APPL2: variants seen among roughly 807,000 people sequenced by gnomAD.
The protein encoded by APPL2 is adaptor protein, phosphotyrosine interacting with PH domain and leucine zipper 2, also known as DCC-interacting protein 13-beta.
A neutral mutation model predicts 92.7 loss-of-function variants in APPL2; 84 were observed. The ratio of observed to expected loss-of-function variants is 0.91; its 90% CI spans 0.76 to 1.09. APPL2 has a LOEUF of 1.09. APPL2 is among the 50% of genes least tolerant of loss of function. The pLI is 0.00. For missense variants in APPL2, 736 were observed against 824.5 expected (o/e 0.89, Z 1.31); for synonymous variants, 291 against 291.0 (o/e 1.00, Z 0.00).
chr12:105,221,041 C>G (rs1890059812), intron 2 of APPL2, among the ~76,000 whole-genome samples: 2 of 152,246 alleles, frequency 1.3e-5, no homozygotes, highest in South Asian at 2.1e-4. Context: ...CTGCCCTGAA[C>G]AGAGCACATT....
In APPL2 at chr12:105,217,194, C is replaced by T. The variant is rs1290983618; in HGVS notation, c.214-54G>A. The T allele has an allele frequency of 5.8e-6, 7 of 1,208,692 alleles. No individual in the cohort carries two copies. The Admixed American group carries it at 1.4e-4, about 24-fold the overall frequency. 74.9% of individuals were successfully genotyped at this position (1,208,692 alleles called of 1,614,324 possible). On this transcript the variant is annotated intron_variant, in intron 3 of 20. Coordinates refer to ENST00000258530, the MANE Select transcript of APPL2 (RefSeq NM_018171.5). ...GTTAAGTGAATACTGGGGAATTCAG[C>T]ACGAAGCATCACCTGCAGAACACGA...
chr12:105,232,775 A>G (rs1339721923), intron 1 of APPL2, among the ~76,000 whole-genome samples: 1 of 151,638 alleles, frequency 6.6e-6, no homozygotes, highest in Non-Finnish European at 1.5e-5. Flanking sequence ...AAAAAAAAAA[A>G]AAAAAAAAAA....
rs750034290 is a variant in APPL2 at position 105,229,207 on chromosome 12, C to G, written c.71G>C (p.Ser24Thr). 1 of 1,613,600 alleles carries G rather than the reference C, an allele frequency of 6.2e-7. No homozygotes were observed. ...GGTGCCAGCATCTTCTTCAAACACG[C>G]TCAGTAAAGAGCGAGTCTGGAAGAA... ...QDSPQTRSLL[S>T]VFEEDAGTLT... The change falls in exon 2 of 21, where the codon AGC becomes ACC. Residue 24 changes from serine (S) to threonine (T), a missense_variant. Coordinates refer to ENST00000258530, the MANE Select transcript of APPL2 (RefSeq NM_018171.5).
intron 2 of APPL2, among the ~76,000 whole-genome samples, chr12:105,227,464 G>A (rs773123372): frequency 6.6e-6 from 1 of 152,130 alleles, no homozygotes; most frequent in Non-Finnish European, 1.5e-5. Flanking sequence ...GCATCCCCAT[G>A]ACAGATATGC....
chr12:105,221,920 C>G, intron 2 of APPL2, among the ~76,000 whole-genome samples: 1 of 152,192 alleles, frequency 6.6e-6, no homozygotes, highest in East Asian at 1.9e-4. Context: ...CCTGAAACCC[C>G]CAAGGGCCTC....
intron 4 of APPL2, among the ~76,000 whole-genome samples, chr12:105,212,473 G>A (rs1206839657): frequency 6.6e-6 from 1 of 152,232 alleles, no homozygotes; most frequent in African/African-American, 2.4e-5. Flanking sequence ...TCCAAATCCA[G>A]AGGGCAAATA....
rs116177601 is a variant in APPL2, at chr12:105,193,020, G to A, written c.1241+2241C>T. On this transcript the variant is annotated intron_variant, in intron 14 of 20. Transcript: ENST00000258530. ...TTCTCAGTGGGCTGACCCTAAAAGAGATAGTATCCCTCTCCCCACAGCTCT... is the reference window on the plus strand; with the variant it reads ...TTCTCAGTGGGCTGACCCTAAAAGAAATAGTATCCCTCTCCCCACAGCTCT... Among the ~76,000 whole-genome samples, 1,094 of 152,218 alleles carry A rather than the reference G, an allele frequency of 7.2e-3. 18 individuals are homozygous for A. Among genetic ancestry groups the A allele is most frequent in the African/African-American group, 0.024 (1,013 of 41,538 alleles).
intron 11 of APPL2, among the ~76,000 whole-genome samples, chr12:105,196,723 G>A (rs896914403): frequency 2.6e-5 from 4 of 152,198 alleles, no homozygotes; most frequent in Non-Finnish European, 5.9e-5. Context: ...TTATAGGCGT[G>A]AGCCACTGTA....
chr12:105,218,700 T>C (rs12813158), intron 2 of APPL2, among the ~76,000 whole-genome samples: 243 of 152,306 alleles, frequency 1.6e-3, no homozygotes, highest in Middle Eastern at 0.01. Flanking sequence ...GGCTCACACA[T>C]ACTGGAAGCA....
At position 105,205,750 on chromosome 12, in the gene APPL2, G is replaced by A. The variant is rs1299624333; in HGVS notation, c.621+1311C>T. Among the ~76,000 whole-genome samples, 6 of 152,304 alleles carry A rather than the reference G, an allele frequency of 3.9e-5. No individual in the cohort carries two copies. The South Asian group carries it at 6.2e-4, about 16-fold the overall frequency. ...AACTAAAGAGAACAAAGAGAGCCCC[G>A]GCATTCTCTAATATGGCAAGGCCAT... is the stretch of plus-strand genomic sequence containing the variant. On this transcript the variant is annotated intron_variant, in intron 8 of 20. Coordinates refer to ENST00000258530, the MANE Select transcript of APPL2 (RefSeq NM_018171.5).
chr12:105,179,099 C>T (rs943911339), intron 17 of APPL2, among the ~76,000 whole-genome samples: 2 of 152,120 alleles, frequency 1.3e-5, no homozygotes, highest in Non-Finnish European at 2.9e-5. Flanking sequence ...AACCCGTTAT[C>T]TACATTAGGT....
At chr12:105,197,708 G>C (rs1213543931) in intron 11 of APPL2, 57 bp downstream of exon 11, 4 of 1,599,772 alleles carry the variant, frequency 2.5e-6, no homozygotes, top group Admixed American at 1.7e-5. Flanking sequence ...GGAGGCCCTT[G>C]GAACGGGTGG....
At chr12:105,202,861 A>G (rs934872673) in intron 9 of APPL2, among the ~76,000 whole-genome samples, 1 of 152,226 alleles carries the variant, frequency 6.6e-6, no homozygotes, top group Non-Finnish European at 1.5e-5. Context: ...AGCATTTCAG[A>G]TAGACTTCTA....
intron 17 of APPL2, among the ~76,000 whole-genome samples, chr12:105,186,991 T>C (rs969216131): frequency 6.6e-6 from 1 of 152,134 alleles, no homozygotes; most frequent in East Asian, 1.9e-4. Flanking sequence ...ACATCCATAT[T>C]AGATAGAATT....
chr12:105,232,400 T>C (rs1460344853), intron 1 of APPL2, among the ~76,000 whole-genome samples: 1 of 152,202 alleles, frequency 6.6e-6, no homozygotes, highest in African/African-American at 2.4e-5. Flanking sequence ...GTGTGTGTAA[T>C]TGTGTAGTGG....
chr12:105,195,154 G>A, intron 14 of APPL2, 107 bp downstream of exon 14: 8 of 1,103,158 alleles, frequency 7.3e-6, no homozygotes, highest in Non-Finnish European at 1.1e-5. Context: ...TGTTAAACAG[G>A]CTGAAAAACA....
chr12:105,222,186 G>T (rs539450430), intron 2 of APPL2, among the ~76,000 whole-genome samples: 186 of 152,292 alleles, frequency 1.2e-3, no homozygotes, highest in African/African-American at 4.3e-3. Context: ...GCCACGGGGG[G>T]ATGCCTGCTG....
chr12:105,207,888 T>G (rs1425250133), intron 7 of APPL2, 83 bp downstream of exon 7: 6 of 1,326,506 alleles, frequency 4.5e-6, no homozygotes, highest in Non-Finnish European at 6.5e-6. Context: ...CCACGCACCC[T>G]TTCATGCCAT....
chr12:105,234,501 G>C (rs1415025296), intron 1 of APPL2, among the ~76,000 whole-genome samples: 4 of 152,196 alleles, frequency 2.6e-5, no homozygotes, highest in Non-Finnish European at 5.9e-5. Context: ...CTTTATGTTA[G>C]AGCTGGAAAT....
Sources: gnomAD v4.1 joint callset for allele counts (sites outside exome capture counted in the v4.1 genomes callset) on GRCh38, gnomAD v4.1.1 for gene constraint, MANE v1.5 for transcripts, NCBI Gene and HGNC (gene_info 2026-07-23, HGNC 2026-07-21) for gene names.